DLG2: variants seen among roughly 807,000 people sequenced by gnomAD.
DLG2 encodes disks large homolog 2.
DLG2 carries 45 observed loss-of-function variants against 132.5 expected under a neutral mutation model. The ratio of observed to expected loss-of-function variants is 0.34; its 90% CI spans 0.27 to 0.44. The LOEUF is 0.44. Among genes scored for constraint, DLG2 ranks in the 20% least tolerant of loss-of-function variants. DLG2 has a pLI of 1.00. For missense variants in DLG2, 1,045 were observed against 1,196.9 expected (o/e 0.87, Z 1.87); for synonymous variants, 424 against 419.6 (o/e 1.01, Z -0.13).
chr11:85,279,586 A>G (rs1298902638), intron 4 of DLG2, among the ~76,000 whole-genome samples: 1 of 151,962 alleles, frequency 6.6e-6, no homozygotes, highest in Non-Finnish European at 1.5e-5. Flanking sequence ...TCCAACTCCT[A>G]TTTATCAGTG....
chr11:84,923,178 C>T (rs2092841026), intron 6 of DLG2: 4 of 1,611,564 alleles, frequency 2.5e-6, no homozygotes, highest in Non-Finnish European at 3.4e-6. Context: ...GCAAGCCCCA[C>T]ACACACGATC....
chr11:83,671,823 TA>T, intron 18 of DLG2, among the ~76,000 whole-genome samples: 2 of 152,292 alleles, frequency 1.3e-5, no homozygotes, highest in African/African-American at 4.8e-5. Context: ...ATATTACCAA[TA>T]ACTTTTCACC....
intron 7 of DLG2, chr11:84,316,690 GT>G: frequency 1.0e-6 from 1 of 988,088 alleles, no homozygotes; most frequent in Non-Finnish European, 1.4e-6. Flanking sequence ...AAAATGACAG[GT>G]TTTTCTTGGC....
At chr11:84,933,949 A>G (rs1470821633) in intron 6 of DLG2, among the ~76,000 whole-genome samples, 1 of 152,176 alleles carries the variant, frequency 6.6e-6, no homozygotes, top group Non-Finnish European at 1.5e-5. Context: ...CAGTTTTTAC[A>G]GGGGAATGCT....
intron 9 of DLG2, among the ~76,000 whole-genome samples, chr11:84,131,485 T>C (rs1447814435): frequency 6.6e-6 from 1 of 152,022 alleles, no homozygotes; most frequent in Non-Finnish European, 1.5e-5. Context: ...CAGGAAGTTT[T>C]GGTGTTTCTT....
At chr11:85,288,479 C>T (rs1166203144) in intron 3 of DLG2, among the ~76,000 whole-genome samples, 1 of 151,854 alleles carries the variant, frequency 6.6e-6, no homozygotes, top group African/African-American at 2.4e-5. Context: ...AATATGTTTG[C>T]ATCATCTTGC....
chr11:84,645,055 A>C (rs1418623680), intron 6 of DLG2, among the ~76,000 whole-genome samples: 1 of 152,176 alleles, frequency 6.6e-6, no homozygotes, highest in African/African-American at 2.4e-5. Context: ...AATTTACCGA[A>C]GAGTTTCAAA....
Position 84,530,065 on chromosome 11 carries a change from G to C in DLG2, c.519+4505C>G, listed in dbSNP as rs1442235368. 2.0e-5 allele frequency among the ~76,000 whole-genome samples: 3 copies of C among 152,232 alleles called. No homozygotes were observed. The East Asian group carries it at 5.8e-4, about 29-fold the overall frequency. The stretch of plus-strand genomic sequence containing the variant: ...GGAAAGGACTCCCTAGTCAATAAAT[G>C]GTGCTGGGACAACTGGCTAGTCACA... On this transcript the variant is annotated intron_variant, in intron 7 of 27. Transcript: ENST00000376104.
At position 84,183,825 on chromosome 11, in the gene DLG2, G is replaced by A. The variant is rs141020921; in HGVS notation, c.574-20314C>T. On this transcript the variant is annotated intron_variant, in intron 8 of 27. Transcript: ENST00000376104. The stretch of plus-strand genomic sequence containing the variant: ...CCACCTATGAATGAGAACATGTGGT[G>A]CTTGGTTTTTTGTCCTTGTGATAGT... Among the ~76,000 whole-genome samples, 86 of 152,230 alleles carry A rather than the reference G, an allele frequency of 5.6e-4. 3 individuals carry two copies. The highest frequency in any genetic ancestry group is 2.0e-3 in the African/African-American group (84 of 41,526).
chr11:84,418,299 T>C (rs1156340578), intron 7 of DLG2, among the ~76,000 whole-genome samples: 2 of 152,194 alleles, frequency 1.3e-5, no homozygotes, highest in African/African-American at 4.8e-5. Flanking sequence ...TATGAACACA[T>C]AGGGGCTGAA....
At chr11:84,714,553 C>CTTTCTT (rs397956960) in intron 6 of DLG2, among the ~76,000 whole-genome samples, 2 of 109,202 alleles carry the variant, frequency 1.8e-5, no homozygotes, top group East Asian at 5.9e-4. Context: ...TTCTCTTTCT[C>CTTTCTT]TCTCTTTCTC....
In DLG2 at chr11:85,407,233, A is replaced by G. The variant is rs185066839; in HGVS notation, c.41-121868T>C. Among the ~76,000 whole-genome samples, 686 of 152,034 alleles carry G rather than the reference A, an allele frequency of 4.5e-3. 2 individuals carry two copies. Among genetic ancestry groups the G allele is most frequent in the African/African-American group, 0.015 (622 of 41,520 alleles). ...TAAATGAAATGGAAAAATTTTGCAA[A>G]ATTTTTAGCAGAGAAGAAACATAAT... is the stretch of plus-strand genomic sequence containing the variant. On this transcript the variant is annotated intron_variant, in intron 3 of 27. Transcript: ENST00000376104.
At chr11:83,850,558 G>C (rs1467521241) in intron 16 of DLG2, among the ~76,000 whole-genome samples, 3 of 152,130 alleles carry the variant, frequency 2.0e-5, no homozygotes, top group African/African-American at 7.2e-5. Flanking sequence ...GGAAGTCAGG[G>C]AATATGTGGT....
At chr11:84,602,112 G>A (rs2099577631) in intron 6 of DLG2, among the ~76,000 whole-genome samples, 1 of 151,988 alleles carries the variant, frequency 6.6e-6, no homozygotes, top group Non-Finnish European at 1.5e-5. Context: ...CAGGCTCTGT[G>A]CTGGACACTG....
chr11:85,209,624 GAA>G (rs1347605264), intron 4 of DLG2, among the ~76,000 whole-genome samples: 2 of 107,948 alleles, frequency 1.9e-5, no homozygotes, highest in African/African-American at 7.0e-5. Context: ...ATGTTCAGTA[GAA>G]ACAGGGTTTC....
intron 9 of DLG2, among the ~76,000 whole-genome samples, chr11:84,153,209 T>C (rs538651104): frequency 1.9e-4 from 29 of 152,336 alleles, no homozygotes; most frequent in African/African-American, 7.0e-4. Context: ...AGAAGTCTGC[T>C]GTTAGCTTGA....
chr11:83,924,908 A>G (rs1380147683), intron 15 of DLG2, among the ~76,000 whole-genome samples: 3 of 152,110 alleles, frequency 2.0e-5, no homozygotes, highest in African/African-American at 7.2e-5. Flanking sequence ...TTCATAGATA[A>G]TGCTTCTTAT....
chr11:83,711,050 G>A (rs1162254533), intron 18 of DLG2, among the ~76,000 whole-genome samples: 2 of 152,050 alleles, frequency 1.3e-5, no homozygotes, highest in African/African-American at 2.4e-5. Context: ...CACACCTAAG[G>A]TTCCACATAA....
chr11:83,913,490 C>T (rs2076411390), intron 15 of DLG2, among the ~76,000 whole-genome samples: 1 of 151,984 alleles, frequency 6.6e-6, no homozygotes, highest in Admixed American at 6.6e-5. Context: ...GTTGATAAGG[C>T]AAACATGGAA....
Sources: allele counts gnomAD v4.1 joint callset (sites outside exome capture counted in the v4.1 genomes callset), GRCh38; gene constraint gnomAD v4.1.1; transcripts MANE v1.5; gene names NCBI Gene and HGNC (gene_info 2026-07-23, HGNC 2026-07-21).